The following THAP12 variants were observed in gnomAD, a reference collection of about 807,000 sequenced individuals.
THAP12 encodes the protein 52 kDa repressor of the inhibitor of the protein kinase.
In THAP12, 20 loss-of-function variants were observed where a neutral mutation model predicts 63.0. That is an observed-to-expected ratio of 0.32 (90% CI 0.22 to 0.46). The LOEUF is 0.46. Among genes scored for constraint, THAP12 ranks in the 20% least tolerant of loss-of-function variants. THAP12 has a pLI of 1.00. For synonymous variants in THAP12, 264 were observed against 328.4 expected (o/e 0.80, Z 2.12); for missense variants, 568 against 908.2 (o/e 0.63, Z 4.81).
intron 1 of THAP12, 33 bp from the exon 2 acceptor site, chr11:76,366,005 T>C: frequency 6.2e-7 from 1 of 1,603,240 alleles, no homozygotes; most frequent in Non-Finnish European, 8.5e-7. Context: ...ATTATGAAAA[T>C]GAGCTCAGCA....
rs557635816 is a variant in THAP12, at chr11:76,380,917, G to T, written c.-81C>A. On this transcript the variant is annotated 5_prime_UTR_variant, in exon 1 of 5. Coordinates refer to ENST00000260045, the MANE Select transcript of THAP12 (RefSeq NM_004705.4). ...CCGCCCGCCCGTCGGGGCCGGGGAG[G>T]GGAGCCAGGCCGGCCGGCCGGCTCG... The T allele has an allele frequency of 8.8e-5, 83 of 941,712 alleles. 1 individual carries two copies. Among genetic ancestry groups the T allele is most frequent in the Non-Finnish European group, 1.1e-4 (78 of 731,608 alleles). The allele number at this position is 941,712 out of a possible 1,614,324, so 58.3% of individuals were successfully genotyped here. A position where few individuals can be genotyped will look rare whatever the true frequency, so the allele number is the denominator to read the frequency against.
At chr11:76,371,320 CTCT>C (rs2134513232) in intron 1 of THAP12, among the ~76,000 whole-genome samples, 1 of 152,318 alleles carries the variant, frequency 6.6e-6, no homozygotes, top group African/African-American at 2.4e-5. Context: ...GCCTACTACA[CTCT>C]TCTTGCTGCT....
At chr11:76,359,145 AC>A (rs1297895393) in intron 3 of THAP12, 1 of 152,204 alleles carries the variant, frequency 6.6e-6, no homozygotes, top group Non-Finnish European at 1.5e-5. Context: ...TATCATCTAT[AC>A]CAGTAAGAAC....
chr11:76,375,371 G>A (rs1465885551), intron 1 of THAP12, among the ~76,000 whole-genome samples: 1 of 151,428 alleles, frequency 6.6e-6, no homozygotes, highest in Non-Finnish European at 1.5e-5. Context: ...AAGCCACCCT[G>A]GGGCAATCAA....
chr11:76,370,043 T>C (rs1358288350), intron 1 of THAP12, among the ~76,000 whole-genome samples: 1 of 152,148 alleles, frequency 6.6e-6, no homozygotes, highest in Non-Finnish European at 1.5e-5. Context: ...GCAGATACAT[T>C]TGGGGAGGGT....
At chr11:76,361,533 C>G (rs1056694141) in intron 2 of THAP12, among the ~76,000 whole-genome samples, 1 of 152,188 alleles carries the variant, frequency 6.6e-6, no homozygotes, top group Admixed American at 6.5e-5. Context: ...CCCAGGAGAC[C>G]TAGGAACTAG....
At chr11:76,361,794 CTGA>C (rs1337334918) in intron 2 of THAP12, among the ~76,000 whole-genome samples, 3 of 152,152 alleles carry the variant, frequency 2.0e-5, no homozygotes, top group African/African-American at 7.2e-5. Context: ...GAAGAATGAT[CTGA>C]TGTTATCTTA....
At chr11:76,362,752 A>T (rs1946605990) in intron 2 of THAP12, among the ~76,000 whole-genome samples, 1 of 152,276 alleles carries the variant, frequency 6.6e-6, no homozygotes, top group Non-Finnish European at 1.5e-5. Context: ...ACAAATTTTT[A>T]AAAGTCAAAT....
intron 1 of THAP12, among the ~76,000 whole-genome samples, chr11:76,367,943 G>A (rs1300846282): frequency 6.6e-6 from 1 of 152,018 alleles, no homozygotes; most frequent in Non-Finnish European, 1.5e-5. Flanking sequence ...TGCCTAAGAT[G>A]TTCACAATTT....
chr11:76,376,920 G>A (rs1946715450), intron 1 of THAP12, among the ~76,000 whole-genome samples: 1 of 152,256 alleles, frequency 6.6e-6, no homozygotes, highest in Non-Finnish European at 1.5e-5. Flanking sequence ...ATGTCTTTGG[G>A]CTAAAATTTG....
At chr11:76,366,392 T>C (rs1340783489) in intron 1 of THAP12, among the ~76,000 whole-genome samples, 7 of 152,080 alleles carry the variant, frequency 4.6e-5, no homozygotes, top group Non-Finnish European at 1.5e-5. Context: ...CTGTAGAAAA[T>C]CAGCAATTAG....
At chr11:76,368,073 G>A (rs1946644757) in intron 1 of THAP12, among the ~76,000 whole-genome samples, 1 of 152,132 alleles carries the variant, frequency 6.6e-6, no homozygotes, top group Non-Finnish European at 1.5e-5. Context: ...ACAGTTGTTT[G>A]TTTTTTAAAT....
intron 2 of THAP12, among the ~76,000 whole-genome samples, chr11:76,365,128 A>G (rs1171174129): frequency 6.6e-6 from 1 of 152,042 alleles, no homozygotes; most frequent in Non-Finnish European, 1.5e-5. Context: ...TAAAAGTACA[A>G]AAATTAGCTG....
At position 76,350,128 on chromosome 11, in the gene THAP12, T is replaced by A. The variant is rs1946514691; in HGVS notation, c.*736A>T. ...AAGATGAGGCAGTATATAAGAGTCA[T>A]GGAAAAAGACAGAGAAAAAAAACAG... On this transcript the variant is annotated 3_prime_UTR_variant, in exon 5 of 5. Coordinates refer to ENST00000260045, the MANE Select transcript of THAP12 (RefSeq NM_004705.4). 1 of 152,650 alleles carries A rather than the reference T, an allele frequency of 6.6e-6. No homozygotes were observed. Among genetic ancestry groups the A allele is most frequent in the African/African-American group, 2.4e-5 (1 of 41,422 alleles). The allele number at this position is 152,650 out of a possible 1,614,324, so 9.5% of individuals were successfully genotyped here.
intron 1 of THAP12, among the ~76,000 whole-genome samples, chr11:76,369,416 T>C (rs1328808422): frequency 6.6e-6 from 1 of 152,240 alleles, no homozygotes; most frequent in African/African-American, 2.4e-5. Flanking sequence ...TCCTTTGATA[T>C]GAAATTCTAG....
At chr11:76,368,870 A>T (rs1946650051) in intron 1 of THAP12, among the ~76,000 whole-genome samples, 1 of 152,242 alleles carries the variant, frequency 6.6e-6, no homozygotes, top group Non-Finnish European at 1.5e-5. Context: ...TCTTAAGGCA[A>T]CAGCACAAAT....
intron 3 of THAP12, among the ~76,000 whole-genome samples, chr11:76,360,269 T>G (rs1424585650): frequency 1.3e-5 from 2 of 152,110 alleles, no homozygotes; most frequent in Non-Finnish European, 2.9e-5. Context: ...TACACTAGCA[T>G]GGACACCAAC....
At chr11:76,363,077 G>C (rs1344417586) in intron 2 of THAP12, among the ~76,000 whole-genome samples, 1 of 152,062 alleles carries the variant, frequency 6.6e-6, no homozygotes, top group Non-Finnish European at 1.5e-5. Flanking sequence ...TGGGAGGTCG[G>C]GGCTGCAGTG....
chr11:76,359,734 G>A (rs1946584936), intron 3 of THAP12, among the ~76,000 whole-genome samples: 1 of 151,818 alleles, frequency 6.6e-6, no homozygotes, highest in Admixed American at 6.6e-5. Context: ...GGCTGAGGCA[G>A]GAGAATTGCT....
Sources: allele counts gnomAD v4.1 joint callset (sites outside exome capture counted in the v4.1 genomes callset), GRCh38; gene constraint gnomAD v4.1.1; transcripts MANE v1.5; gene names NCBI Gene and HGNC (gene_info 2026-07-23, HGNC 2026-07-21).